The following MAP7D3 variants were observed in gnomAD, a reference collection of about 807,000 sequenced individuals.
MAP7D3 encodes the protein MAP7 domain containing 3, also known as MAP7 domain-containing protein 3.
Under a neutral mutation model 62.2 loss-of-function variants are expected in MAP7D3, and 45 were observed. The observed-to-expected ratio is 0.72, with a 90% CI of 0.57 to 0.93. The LOEUF (loss-of-function observed/expected upper bound fraction) is 0.93. Among genes scored for constraint, MAP7D3 ranks in the 40% least tolerant of loss-of-function variants. The pLI is 0.00. For synonymous variants in MAP7D3, 288 were observed against 248.8 expected, an observed-to-expected ratio of 1.16 and a Z score of -1.48; for missense variants, 711 against 683.1, an observed-to-expected ratio of 1.04 and a Z score of -0.45.
chrX:136,220,817 T>G lies in MAP7D3; in HGVS notation c.2434A>C (p.Asn812His). 1 of 1,211,185 alleles carries G rather than the reference T, an allele frequency of 8.3e-7. No homozygotes were observed. Among genetic ancestry groups the G allele is most frequent in the Non-Finnish European group, 1.1e-6 (1 of 895,077 alleles). The part of the protein sequence containing the change: ...PKTYFNGDLK[N>H]FRQKSMKDTS... ...TCTTTCATGCTTTTTTGTCTGAAGT[T>G]TTTCAAATCGCCATTAAAATATGTT... is the stretch of plus-strand genomic sequence containing the variant. The change falls in exon 16 of 19, where the codon AAC (asparagine) becomes CAC (histidine). Residue 812 changes from asparagine (N) to histidine (H), a missense_variant. Physicochemically the swap from Asn to His is moderately conservative, Grantham distance 68. Transcript: ENST00000316077.
chrX:136,227,604 T>C (rs569751618), intron 11 of MAP7D3, among the ~76,000 whole-genome samples, 173 bp from the exon 12 acceptor site: 124 of 110,056 alleles, frequency 1.1e-3, no homozygotes, highest in African/African-American at 3.8e-3. Flanking sequence ...ATTCCACCCC[T>C]TTTTAAAGAG....
intron 6 of MAP7D3, among the ~76,000 whole-genome samples, chrX:136,239,162 T>C (rs2074360864): frequency 1.8e-5 from 2 of 111,764 alleles, no homozygotes; most frequent in Admixed American, 1.9e-4. Context: ...TTGATGGGTA[T>C]AGTTGCCTAA....
intron 1 of MAP7D3, among the ~76,000 whole-genome samples, chrX:136,247,998 C>T (rs928656603): frequency 1.8e-5 from 2 of 111,779 alleles, no homozygotes; most frequent in African/African-American, 6.5e-5. Context: ...AAGTGGATCA[C>T]TTGAGGTCAG....
At chrX:136,235,859 A>G (rs1037478303) in intron 7 of MAP7D3, among the ~76,000 whole-genome samples, 2 of 113,003 alleles carry the variant, frequency 1.8e-5, no homozygotes, top group African/African-American at 6.4e-5. Flanking sequence ...CACAAAGGAT[A>G]TATGTGGGTA....
intron 3 of MAP7D3, 68 bp from the exon 4 acceptor site, chrX:136,244,863 C>T (rs372713584): frequency 3.4e-5 from 27 of 805,148 alleles, no homozygotes; most frequent in African/African-American, 3.3e-4. Flanking sequence ...CCACATTACA[C>T]ACACAGAAGG....
At chrX:136,219,810 T>C (rs2074102628) in intron 16 of MAP7D3, 139 bp from the exon 17 acceptor site, 2 of 567,307 alleles carry the variant, frequency 3.5e-6, no homozygotes, top group South Asian at 2.4e-5. Context: ...ACAGGATGAC[T>C]GAAAGGAACC....
At chrX:136,229,989 ATATAT>A (rs1402704201) in intron 10 of MAP7D3, among the ~76,000 whole-genome samples, 84 of 46,614 alleles carry the variant, frequency 1.8e-3, no homozygotes, top group African/African-American at 3.4e-3. Flanking sequence ...ATATATATAT[ATATAT>A]TTTTTTTTTT....
intron 6 of MAP7D3, 56 bp from the exon 7 acceptor site, chrX:136,236,395 G>A (rs2074330679): frequency 3.0e-6 from 2 of 664,892 alleles, no homozygotes; most frequent in Admixed American, 5.9e-5. Context: ...ATTATCTCAG[G>A]AGTGAGATAC....
At chrX:136,240,001 G>A (rs2074370619) in intron 6 of MAP7D3, among the ~76,000 whole-genome samples, 1 of 111,264 alleles carries the variant, frequency 9.0e-6, no homozygotes, top group African/African-American at 3.3e-5. Flanking sequence ...TTGAGGTCAG[G>A]AGTTCAAGAC....
upstream of MAP7D3, chrX:136,256,155 C>T: frequency 7.4e-6 from 8 of 1,087,686 alleles, no homozygotes; most frequent in Non-Finnish European, 9.6e-6. Flanking sequence ...CCTCTCGTCG[C>T]TCACTCTTGT....
intron 1 of MAP7D3, among the ~76,000 whole-genome samples, chrX:136,247,373 G>C (rs986974451): frequency 1.8e-5 from 2 of 111,732 alleles, no homozygotes; most frequent in Non-Finnish European, 3.8e-5. Flanking sequence ...GAAAAGCACA[G>C]GAAGTAAGCC....
chrX:136,241,432 C>T (rs2074388363), intron 4 of MAP7D3, among the ~76,000 whole-genome samples, 155 bp from the exon 5 acceptor site: 1 of 111,711 alleles, frequency 9.0e-6, no homozygotes, highest in African/African-American at 3.3e-5. Flanking sequence ...AATACCAGTG[C>T]TTCTCCTAAA....
At chrX:136,254,245 C>T (rs1303083406), upstream of MAP7D3, among the ~76,000 whole-genome samples, 4 of 107,603 alleles carry the variant, frequency 3.7e-5, no homozygotes, top group Non-Finnish European at 7.7e-5. Context: ...CCCCCACGCC[C>T]GGCTAATTTT....
chrX:136,244,540 G>T, intron 4 of MAP7D3, 92 bp downstream of exon 4: 1 of 807,541 alleles, frequency 1.2e-6, no homozygotes, highest in Non-Finnish European at 1.8e-6. Flanking sequence ...CTTTCTACAG[G>T]GCAAGTAAGG....
chrX:136,240,896 T>G (rs1192535165), intron 5 of MAP7D3, among the ~76,000 whole-genome samples: 1 of 112,901 alleles, frequency 8.9e-6, no homozygotes, highest in Non-Finnish European at 1.9e-5. Context: ...ATAAGCTGTG[T>G]AAAGCTTAGT....
intron 12 of MAP7D3, among the ~76,000 whole-genome samples, chrX:136,226,481 A>G (rs1189769801): frequency 8.9e-6 from 1 of 112,119 alleles, no homozygotes; most frequent in African/African-American, 3.2e-5. Flanking sequence ...ATTCAAACTG[A>G]GTATAGTCTG....
rs184296297 is a variant in MAP7D3 at position 136,248,239 on chromosome X, C to T, written c.71-1898G>A. Among the ~76,000 whole-genome samples the T allele has an allele frequency of 2.7e-5, 3 of 111,966 alleles. No individual in the cohort carries two copies. The East Asian group carries it at 8.3e-4, about 31-fold the overall frequency. ...TAAAAATCTTATTAAACAGAAATAA[C>T]CTTAGAAGTAGCTGTGGTGAGAATA... On this transcript the variant is annotated intron_variant, in intron 1 of 18. Coordinates refer to ENST00000316077, the MANE Select transcript of MAP7D3 (RefSeq NM_024597.4).
upstream of MAP7D3, chrX:136,251,408 C>G: frequency 1.1e-6 from 1 of 905,904 alleles, no homozygotes; most frequent in South Asian, 2.9e-5. Flanking sequence ...ATTGCGCAGG[C>G]GTCGGCGCGG....
intron 15 of MAP7D3, chrX:136,221,695 C>G (rs911663388): frequency 1.9e-4 from 21 of 112,471 alleles, no homozygotes; most frequent in African/African-American, 5.5e-4. Flanking sequence ...GGGGCTCTTA[C>G]TGCTATGTTC....
Sources: allele counts gnomAD v4.1 joint callset (sites outside exome capture counted in the v4.1 genomes callset), GRCh38; gene constraint gnomAD v4.1.1; transcripts MANE v1.5; gene names NCBI Gene and HGNC (gene_info 2026-07-23, HGNC 2026-07-21).